The following FAT4 variants were observed in gnomAD, a reference collection of about 807,000 sequenced individuals.
The protein encoded by FAT4 is FAT atypical cadherin 4.
A neutral mutation model predicts 303.9 loss-of-function variants in FAT4; 84 were observed. The observed-to-expected ratio is 0.28, with a 90% CI of 0.23 to 0.33. The LOEUF (loss-of-function observed/expected upper bound fraction) is 0.33, where lower values mean the gene tolerates loss of function less well. FAT4 is among the 10% of genes least tolerant of loss of function. The pLI is 1.00. For missense variants in FAT4, 6,005 were observed against 6,146.8 expected (o/e 0.98, Z 0.77); for synonymous variants, 2,307 against 2,298.8 (o/e 1.00, Z -0.10).
chr4:125,338,842 A>T (rs2125965771), intron 2 of FAT4, among the ~76,000 whole-genome samples: 1 of 152,246 alleles, frequency 6.6e-6, no homozygotes, highest in South Asian at 2.1e-4. Context: ...AATTATACCC[A>T]CCTTTATTCT....
rs1264453034 is a variant in FAT4 at position 125,434,335 on chromosome 4, T to G, written c.7109T>G (p.Phe2370Cys). ...CCCACATTTGCCAGTAAAGCGTATT[T>G]CACAACAATTCCTGAGGATGCACCA... The part of the protein sequence containing the change: ...NVPTFASKAY[F>C]TTIPEDAPTG... Residue 2370 changes from phenylalanine to cysteine, a missense_variant, in exon 8 of 18, where the codon TTC becomes TGC. Physicochemically the swap from Phe to Cys is radical, Grantham distance 205 (BLOSUM62 -2). Coordinates refer to ENST00000394329, the MANE Select transcript of FAT4 (RefSeq NM_001291303.3). The G allele has an allele frequency of 6.2e-7, 1 of 1,614,094 alleles. No individual in the cohort carries two copies. Among genetic ancestry groups the G allele is most frequent in the Non-Finnish European group, 8.5e-7 (1 of 1,179,974 alleles).
chr4:125,458,217 C>T (rs2126067115), intron 10 of FAT4, among the ~76,000 whole-genome samples: 1 of 151,934 alleles, frequency 6.6e-6, no homozygotes, highest in Admixed American at 6.6e-5. Flanking sequence ...CAATTAAGTC[C>T]CGATATTTCA....
At position 125,319,419 on chromosome 4, in the gene FAT4, T is replaced by A; in HGVS notation, c.3008T>A (p.Val1003Asp). Residue 1003 changes from valine to aspartate, a missense_variant, in exon 2 of 18, where the codon GTC becomes GAC. Transcript: ENST00000394329. ...GTGTTTGACCAACTCTCTTATGAAG[T>A]CACCCTTTCTGAGTCAGAACCTGTG... ...SPVFDQLSYE[V>D]TLSESEPVNS... 1 of 1,613,720 alleles carries A rather than the reference T, an allele frequency of 6.2e-7. No individual in the cohort carries two copies. The highest frequency in any genetic ancestry group is 8.5e-7 in the Non-Finnish European group (1 of 1,179,920).
At position 125,446,537 on chromosome 4, in the gene FAT4, C is replaced by A. The variant is rs781709720; in HGVS notation, c.7444C>A (p.Leu2482Ile). The A allele has an allele frequency of 2.5e-6, 4 of 1,606,376 alleles. No homozygotes were observed. In the South Asian group the frequency reaches 4.4e-5, roughly 18 times the overall value. The change falls in exon 9 of 18, where the codon CTT (leucine) becomes ATT (isoleucine). Residue 2482 changes from leucine to isoleucine, a missense_variant. Physicochemically the swap from Leu to Ile is conservative, Grantham distance 5. Transcript: ENST00000394329. ...TGTCACTCACATCCCATCTCCTACT[C>A]TTCCAGGTAATCAACCAAATTCTGA... ...PYVTHIPSPT[L>I]PGSFVFAVTV...
At chr4:125,455,828 A>T (rs1506359) in intron 10 of FAT4, among the ~76,000 whole-genome samples, 38,724 of 152,150 alleles carry the variant, frequency 0.25, 5,959 homozygotes, top group East Asian at 0.59. Flanking sequence ...ATTGTCTGAG[A>T]CTGATCAGAA....
intron 7 of FAT4, among the ~76,000 whole-genome samples, chr4:125,418,553 G>A (rs536170689): frequency 7.2e-5 from 11 of 152,150 alleles, no homozygotes; most frequent in African/African-American, 2.2e-4. Flanking sequence ...TTACAAAACC[G>A]GAAGAGGGTA....
In FAT4 at chr4:125,316,904, G is replaced by C; in HGVS notation, c.493G>C (p.Gly165Arg). ...ILDTATDSDI[G>R]SNGVDHRSYR... ...AGACACCGCCACCGACTCGGACATC[G>C]GCTCAAACGGTGTGGACCACCGCTC... Residue 165 changes from glycine to arginine, a missense_variant, in exon 2 of 18, where the codon GGC becomes CGC. By Grantham distance (125) the Gly-to-Arg change is moderately radical. Transcript: ENST00000394329. The surrounding 1 kb of genome is among the most constrained non-coding windows in gnomAD (Gnocchi z 5.7). The C allele has an allele frequency of 6.2e-7, 1 of 1,613,902 alleles. No homozygotes were observed. The highest frequency in any genetic ancestry group is 8.5e-7 in the Non-Finnish European group (1 of 1,180,016).
chr4:125,338,567 A>G (rs542303975), intron 2 of FAT4, among the ~76,000 whole-genome samples: 1 of 152,336 alleles, frequency 6.6e-6, no homozygotes, highest in Admixed American at 6.5e-5. Context: ...TTCTATTTAT[A>G]GCTTTTATCC....
At chr4:125,352,980 T>C (rs1732289895) in intron 2 of FAT4, among the ~76,000 whole-genome samples, 1 of 151,786 alleles carries the variant, frequency 6.6e-6, no homozygotes, top group Admixed American at 6.6e-5. Context: ...TGTTTTTAAT[T>C]CCTGGTTAGC....
rs184653604 is a variant in FAT4, at chr4:125,334,274, C to T, written c.5175+12688C>T. Among the ~76,000 whole-genome samples, 222 of 152,150 alleles carry T rather than the reference C, an allele frequency of 1.5e-3. 2 individuals carry two copies. The highest frequency in any genetic ancestry group is 7.4e-4 in the Non-Finnish European group (50 of 68,000). ...AGAAAGATTTTTTGTTATGCAAATG[C>T]GGCTTCAAGATGAAGCCTTTGGACC... On this transcript the variant is annotated intron_variant, in intron 2 of 17. Coordinates refer to ENST00000394329, the MANE Select transcript of FAT4 (RefSeq NM_001291303.3).
intron 12 of FAT4, among the ~76,000 whole-genome samples, chr4:125,470,913 T>G (rs1726834842): frequency 6.6e-6 from 1 of 152,234 alleles, no homozygotes; most frequent in African/African-American, 2.4e-5. Flanking sequence ...CTATCTTGAC[T>G]TTCGAAATGC....
rs753929378 is a variant in FAT4, at chr4:125,452,372, A to G, written c.11362A>G (p.Ile3788Val). ...TGGCGTAGCCACCTTCTTTGAAAGC[A>G]TCAAAGAGATCCTTCTCCGGCAGAG... ...PSGVATFFES[I>V]KEILLRQSGV... Residue 3788 changes from isoleucine to valine, a missense_variant, in exon 10 of 18, where the codon ATC becomes GTC. Ile to Val is a conservative substitution (Grantham distance 29). Transcript: ENST00000394329. The G allele has an allele frequency of 8.1e-6, 13 of 1,614,072 alleles. No individual in the cohort carries two copies. Among genetic ancestry groups the G allele is most frequent in the Non-Finnish European group, 1.1e-5 (13 of 1,180,022 alleles).
At chr4:125,416,303 A>C (rs1735061520) in intron 6 of FAT4, 145 bp from the exon 7 acceptor site, 1 of 745,054 alleles carries the variant, frequency 1.3e-6, no homozygotes, top group Admixed American at 2.6e-5. Context: ...ATAGTGTGCC[A>C]TTTTTATTTT....
At chr4:125,337,674 A>C (rs2125964618) in intron 2 of FAT4, among the ~76,000 whole-genome samples, 1 of 152,220 alleles carries the variant, frequency 6.6e-6, no homozygotes, top group South Asian at 2.1e-4. Flanking sequence ...GCCAGATATA[A>C]TTATATGGAG....
At chr4:125,355,954 CT>C (rs1732407957) in intron 2 of FAT4, among the ~76,000 whole-genome samples, 1 of 151,984 alleles carries the variant, frequency 6.6e-6, no homozygotes, top group African/African-American at 2.4e-5. Flanking sequence ...TAGCAATATC[CT>C]ATAAGTAGCA....
rs763110219 is a variant in FAT4 at position 125,448,504 on chromosome 4, A to G, written c.7494A>G (p.Gly2498=). Residue 2498 remains glycine, a synonymous_variant, in exon 10 of 18, where the codon GGA becomes GGG. Coordinates refer to ENST00000394329, the MANE Select transcript of FAT4 (RefSeq NM_001291303.3). ...FAVTVTDADI[G]PNSELHYSLS... ...TTACAGTCACAGATGCTGATATTGG[A>G]CCAAATTCTGAACTGCATTATTCTC... The G allele has an allele frequency of 3.1e-6, 5 of 1,612,656 alleles. No individual in the cohort carries two copies. Among genetic ancestry groups the G allele is most frequent in the Non-Finnish European group, 4.2e-6 (5 of 1,179,202 alleles).
rs541710477 is a variant in FAT4 at position 125,349,853 on chromosome 4, T to C, written c.5175+28267T>C. The stretch of plus-strand genomic sequence containing the variant: ...AAGGTGAAGGACAATAAAAATTGAC[T>C]AAAATCCTGAAAAAACAATTCAGAG... On this transcript the variant is annotated intron_variant, in intron 2 of 17. Coordinates refer to ENST00000394329, the MANE Select transcript of FAT4 (RefSeq NM_001291303.3). 6.6e-5 allele frequency among the ~76,000 whole-genome samples: 10 copies of C among 151,782 alleles called. No individual in the cohort carries two copies. The East Asian group carries it at 1.7e-3, about 26-fold the overall frequency.
At position 125,326,770 on chromosome 4, in the gene FAT4, C is replaced by T. The variant is rs72673278; in HGVS notation, c.5175+5184C>T. On this transcript the variant is annotated intron_variant, in intron 2 of 17. Transcript: ENST00000394329. ...AAGCATTTAAGGCCAGGCAAAGTGG[C>T]TCACACCTTAAATGGGAGGCCAAGG... 1.9e-3 allele frequency among the ~76,000 whole-genome samples: 283 copies of T among 152,278 alleles called. 1 individual carries two copies. The highest frequency in any genetic ancestry group is 3.1e-3 in the Non-Finnish European group (213 of 68,024).
At position 125,321,251 on chromosome 4, in the gene FAT4, A is replaced by G; in HGVS notation, c.4840A>G (p.Thr1614Ala). 6.2e-7 allele frequency: 1 copy of G among 1,614,170 alleles called. No individual in the cohort carries two copies. Residue 1614 changes from threonine to alanine, a missense_variant, in exon 2 of 18, where the codon ACC becomes GCC. Physicochemically the swap from Thr to Ala is moderately conservative, Grantham distance 58 (BLOSUM62 0). Coordinates refer to ENST00000394329, the MANE Select transcript of FAT4 (RefSeq NM_001291303.3). The stretch of plus-strand genomic sequence containing the variant: ...CCTTGGGCCTGAAAGGAGGAAATCG[A>G]CCACTGAATTGACCATCATTCTTCA... ...TDLGPERRKS[T>A]TELTIILQGL... is the part of the protein sequence containing the mutation.
Sources: gnomAD v4.1 joint callset for allele counts (sites outside exome capture counted in the v4.1 genomes callset) on GRCh38, gnomAD v4.1.1 for gene constraint, Gnocchi (gnomAD v3.1) non-coding constraint, MANE v1.5 for transcripts, NCBI Gene and HGNC (gene_info 2026-07-23, HGNC 2026-07-21) for gene names.